Variants in MMP15 observed in about 807,000 individuals in gnomAD.
MMP15 encodes matrix metalloproteinase-15.
Under a neutral mutation model 65.0 loss-of-function variants are expected in MMP15, and 36 were observed. That is an observed-to-expected ratio of 0.55 (90% CI 0.42 to 0.73). The LOEUF (loss-of-function observed/expected upper bound fraction) is 0.73, where lower values mean the gene tolerates loss of function less well. Among genes scored for constraint, MMP15 ranks in the 30% least tolerant of loss-of-function variants. MMP15 has a pLI of 0.00. For synonymous variants in MMP15, 428 were observed against 410.2 expected (o/e 1.04, Z -0.52); for missense variants, 870 against 987.8 (o/e 0.88, Z 1.60).
chr16:58,029,309 G>T (rs545973750), intron 1 of MMP15, among the ~76,000 whole-genome samples: 9 of 152,320 alleles, frequency 5.9e-5, no homozygotes, highest in African/African-American at 1.9e-4. Flanking sequence ...GCTCCGGGGG[G>T]GCCCCACTGG....
At chr16:58,030,279 G>C (rs1314133329) in intron 1 of MMP15, among the ~76,000 whole-genome samples, 1 of 152,196 alleles carries the variant, frequency 6.6e-6, no homozygotes, top group Non-Finnish European at 1.5e-5. Flanking sequence ...GAAGGCGGCT[G>C]AATGCTCCAG....
rs1183020936 is a variant in MMP15 at position 58,037,516 on chromosome 16, T to A, written c.207T>A (p.His69Gln). The A allele has an allele frequency of 6.2e-7, 1 of 1,614,138 alleles. No homozygotes were observed. The highest frequency in any genetic ancestry group is 1.1e-5 in the South Asian group (1 of 91,082). Reference protein sequence around the residue: ...LYGYLPQPSRHMSTMRSAQIL... With the variant: ...LYGYLPQPSRQMSTMRSAQIL... The stretch of plus-strand genomic sequence containing the variant: ...GCTACCTGCCTCAGCCCAGCCGCCA[T>A]ATGTCCACCATGCGTTCCGCCCAGA... Residue 69 changes from histidine to glutamine, a missense_variant, in exon 2 of 10, where the codon CAT (histidine) becomes CAA (glutamine). Physicochemically the swap from His to Gln is conservative, Grantham distance 24. Transcript: ENST00000219271.
intron 1 of MMP15, among the ~76,000 whole-genome samples, chr16:58,033,442 G>T (rs1320173971): frequency 6.6e-6 from 1 of 152,252 alleles, no homozygotes; most frequent in Non-Finnish European, 1.5e-5. Context: ...TGAGCATTCA[G>T]TGGGGGCTGG....
chr16:58,040,446 T>G, intron 4 of MMP15, 91 bp from the exon 5 acceptor site: 2 of 1,475,366 alleles, frequency 1.4e-6, no homozygotes, highest in South Asian at 2.5e-5. Flanking sequence ...AAGGGCAGGC[T>G]CTCTGGCAGC....
rs139061944 is a variant in MMP15 at position 58,043,289 on chromosome 16, C to A, written c.1383C>A (p.Ile461=). 2 of 1,603,078 alleles carry A rather than the reference C, an allele frequency of 1.2e-6. No homozygotes were observed. Among genetic ancestry groups the A allele is most frequent in the Admixed American group, 1.7e-5 (1 of 58,894 alleles). Residue 461 remains isoleucine, a synonymous_variant, in exon 8 of 10, where the codon ATC becomes ATA. Coordinates refer to ENST00000219271, the MANE Select transcript of MMP15 (RefSeq NM_002428.4). The stretch of plus-strand genomic sequence containing the variant: ...CGCTGACCAGCTATGGCCTGGGCAT[C>A]CCCTATGACCGCATTGACACGGCCA... ...PQPLTSYGLG[I]PYDRIDTAIW...
rs34247422 is a variant in MMP15 at position 58,037,627 on chromosome 16, T to TC, written c.311+13dup. ...TCGACGAAGAGACCAAGGAGTGAGT[T>TC]CCCCCCACCATCCACACCCCACAGG... On this transcript the variant is annotated splice_region_variant and intron_variant, in intron 2 of 9. Coordinates refer to ENST00000219271, the MANE Select transcript of MMP15 (RefSeq NM_002428.4). The TC allele has an allele frequency of 8.1e-6, 13 of 1,613,496 alleles. No homozygotes were observed. The East Asian group carries it at 2.5e-4, about 30-fold the overall frequency.
chr16:58,040,524 C>T lies in MMP15; in HGVS notation c.749-13C>T, dbSNP rs1174964866. 1 of 1,610,230 alleles carries T rather than the reference C, an allele frequency of 6.2e-7. No individual in the cohort carries two copies. Among genetic ancestry groups the T allele is most frequent in the Admixed American group, 1.7e-5 (1 of 60,004 alleles). On this transcript the variant is annotated splice_polypyrimidine_tract_variant and intron_variant, in intron 4 of 9. Transcript: ENST00000219271. ...CACAGCTGACTGTGCTGCCCTCCTTCTCTCCCCAAAAGGAAACAACCTCTT... is the reference window on the plus strand; with the variant it reads ...CACAGCTGACTGTGCTGCCCTCCTTTTCTCCCCAAAAGGAAACAACCTCTT...
rs1963804984 is a variant in MMP15 at position 58,025,937 on chromosome 16, G to A, written c.-414G>A. The A allele has an allele frequency of 6.5e-6, 1 of 153,538 alleles. No individual in the cohort carries two copies. Among genetic ancestry groups the A allele is most frequent in the Non-Finnish European group, 1.4e-5 (1 of 69,160 alleles). 9.5% of individuals were successfully genotyped at this position (153,538 alleles called of 1,614,324 possible). ...CGGCGAGCAGAATCCCCGTGCAGGA[G>A]GCGCGCGCTCCGGGCAGCGCCCGGC... On this transcript the variant is annotated 5_prime_UTR_variant, in exon 1 of 10. Coordinates refer to ENST00000219271, the MANE Select transcript of MMP15 (RefSeq NM_002428.4).
intron 1 of MMP15, among the ~76,000 whole-genome samples, chr16:58,035,217 G>C (rs570950312): frequency 4.6e-5 from 7 of 152,354 alleles, no homozygotes; most frequent in African/African-American, 1.7e-4. Context: ...CAGCACAGGA[G>C]CCTTGGGAGA....
chr16:58,041,894 G>C (rs778219443), intron 6 of MMP15, 24 bp downstream of exon 6: 1 of 1,550,088 alleles, frequency 6.5e-7, no homozygotes, highest in Non-Finnish European at 8.7e-7. Context: ...TCCCATGCCT[G>C]GCCCTGAGCC....
chr16:58,043,575 C>T lies in MMP15; in HGVS notation c.1518C>T (p.Val506=), dbSNP rs770463302. The change falls in exon 9 of 10, where the codon GTC becomes GTT. Residue 506 remains valine, a synonymous_variant. Coordinates refer to ENST00000219271, the MANE Select transcript of MMP15 (RefSeq NM_002428.4). ...CTGGGTACCCCAAGCCCATCAGTGT[C>T]TGGCAGGGGATCCCTGCCTCCCCTA... The part of the protein sequence containing the change: ...GDPGYPKPIS[V]WQGIPASPKG... The T allele has an allele frequency of 9.9e-6, 16 of 1,613,702 alleles. No homozygotes were observed. Among genetic ancestry groups the T allele is most frequent in the Admixed American group, 6.7e-5 (4 of 59,936 alleles).
chr16:58,042,833 A>G (rs2142331317), intron 7 of MMP15, among the ~76,000 whole-genome samples: 1 of 152,248 alleles, frequency 6.6e-6, no homozygotes, highest in Middle Eastern at 3.4e-3. Context: ...CACCAAACTA[A>G]AAGCAGGGAG....
chr16:58,040,233 G>T, intron 4 of MMP15, 51 bp downstream of exon 4: 1 of 1,553,916 alleles, frequency 6.4e-7, no homozygotes, highest in South Asian at 1.2e-5. Context: ...CCCGGAGCTG[G>T]GCAACAACAC....
At chr16:58,040,415 A>G (rs75579406) in intron 4 of MMP15, 122 bp from the exon 5 acceptor site, 29 of 1,267,526 alleles carry the variant, frequency 2.3e-5, no homozygotes, top group African/African-American at 3.0e-5. Context: ...GAAAGAGCTC[A>G]GCCTCTTCCA....
intron 1 of MMP15, among the ~76,000 whole-genome samples, chr16:58,035,833 C>T (rs1959320546): frequency 6.6e-6 from 1 of 152,222 alleles, no homozygotes; most frequent in Non-Finnish European, 1.5e-5. Context: ...CTCCATGCTG[C>T]CCCTCCTTGG....
At position 58,038,379 on chromosome 16, in the gene MMP15, A is replaced by C. The variant is rs1959379795; in HGVS notation, c.425A>C (p.His142Pro). Residue 142 changes from histidine to proline, a missense_variant, in exon 3 of 10, where the codon CAC (histidine) becomes CCC (proline). Coordinates refer to ENST00000219271, the MANE Select transcript of MMP15 (RefSeq NM_002428.4). ...YALTGRKWNN[H>P]HLTFSIQNYT... ...CTCACCGGGAGGAAGTGGAACAACCACCATCTGACCTTTAGGTAGGGGGCT... is the reference window on the plus strand; with the variant it reads ...CTCACCGGGAGGAAGTGGAACAACCCCCATCTGACCTTTAGGTAGGGGGCT... The C allele has an allele frequency of 6.2e-7, 1 of 1,613,846 alleles. No individual in the cohort carries two copies. Among genetic ancestry groups the C allele is most frequent in the Non-Finnish European group, 8.5e-7 (1 of 1,179,994 alleles).
intron 7 of MMP15, 115 bp downstream of exon 7, chr16:58,042,484 C>A: frequency 1.4e-6 from 2 of 1,381,954 alleles, no homozygotes; most frequent in Non-Finnish European, 2.0e-6. Flanking sequence ...TCCTGTGCCC[C>A]CACTGTGGGC....
At chr16:58,032,979 C>T (rs985296150) in intron 1 of MMP15, among the ~76,000 whole-genome samples, 5 of 151,922 alleles carry the variant, frequency 3.3e-5, no homozygotes, top group Non-Finnish European at 7.4e-5. Flanking sequence ...TGCCGGCCAG[C>T]TCCACAGATC....
Position 58,026,139 on chromosome 16 carries a change from C to G in MMP15, c.-212C>G. 4.4e-6 allele frequency: 2 copies of G among 451,884 alleles called. No individual in the cohort carries two copies. Among genetic ancestry groups the G allele is most frequent in the Non-Finnish European group, 3.6e-6 (1 of 279,392 alleles). 28.0% of individuals were successfully genotyped at this position (451,884 alleles called of 1,614,324 possible). On this transcript the variant is annotated 5_prime_UTR_variant, in exon 1 of 10. Coordinates refer to ENST00000219271, the MANE Select transcript of MMP15 (RefSeq NM_002428.4). ...GGCAGCTCCGGTCGGCCCCCTTTCC[C>G]GCCGGCTGGTTCCGAGCTCCCGGAC...
Sources: gnomAD v4.1 joint callset for allele counts (sites outside exome capture counted in the v4.1 genomes callset) on GRCh38, gnomAD v4.1.1 for gene constraint, MANE v1.5 for transcripts, NCBI Gene and HGNC (gene_info 2026-07-23, HGNC 2026-07-21) for gene names.